Variants in PTPRJ observed in about 807,000 individuals in gnomAD.
PTPRJ encodes the protein protein tyrosine phosphatase receptor type J.
A neutral mutation model predicts 141.3 loss-of-function variants in PTPRJ; 129 were observed. That is an observed-to-expected ratio of 0.91 (90% CI 0.79 to 1.06). The LOEUF (loss-of-function observed/expected upper bound fraction) is 1.06, where lower values mean the gene tolerates loss of function less well. PTPRJ is among the 50% of genes least tolerant of loss of function. PTPRJ has a pLI of 0.00. For synonymous variants in PTPRJ, 610 were observed against 640.5 expected (o/e 0.95, Z 0.72); for missense variants, 1,601 against 1,679.7 (o/e 0.95, Z 0.82).
chr11:48,147,256 G>T (rs1187337981), intron 15 of PTPRJ, among the ~76,000 whole-genome samples: 1 of 152,164 alleles, frequency 6.6e-6, no homozygotes, highest in Admixed American at 6.5e-5. Context: ...GATGTTAAGA[G>T]ATTTCATTTC....
At chr11:48,138,442 G>C (rs1374197501) in intron 10 of PTPRJ, among the ~76,000 whole-genome samples, 1 of 152,182 alleles carries the variant, frequency 6.6e-6, no homozygotes, top group Non-Finnish European at 1.5e-5. Flanking sequence ...CCAGGCCCTG[G>C]GTGGCAAATG....
chr11:48,131,066 ATATATTTTTTTTT>A (rs1245716630), intron 8 of PTPRJ, among the ~76,000 whole-genome samples: 1 of 108,658 alleles, frequency 9.2e-6, no homozygotes, highest in African/African-American at 3.6e-5. Context: ...ATATATATAT[ATATATTTTTTTTT>A]TTTTTTTTTT....
chr11:48,090,077 G>C (rs899590872), intron 1 of PTPRJ, among the ~76,000 whole-genome samples: 1 of 152,162 alleles, frequency 6.6e-6, no homozygotes, highest in Non-Finnish European at 1.5e-5. Context: ...AACAAAGCTG[G>C]TGTTCAGTCC....
intron 10 of PTPRJ, among the ~76,000 whole-genome samples, chr11:48,138,854 G>A (rs1362944287): frequency 1.3e-5 from 2 of 152,144 alleles, no homozygotes; most frequent in East Asian, 1.9e-4. Flanking sequence ...AGAGGGCCTT[G>A]GCTGGGCTGG....
intron 1 of PTPRJ, among the ~76,000 whole-genome samples, chr11:48,009,702 C>G (rs983722213): frequency 9.9e-5 from 15 of 152,230 alleles, no homozygotes; most frequent in Admixed American, 9.2e-4. Context: ...TTAGGCAGAC[C>G]TGGGCCAAGT....
At chr11:48,104,186 T>C (rs530531053) in intron 1 of PTPRJ, among the ~76,000 whole-genome samples, 1 of 152,292 alleles carries the variant, frequency 6.6e-6, no homozygotes, top group South Asian at 2.1e-4. Flanking sequence ...GGATGGGAGA[T>C]AGGCCACCCC....
chr11:48,144,373 G>A (rs1295556978), intron 12 of PTPRJ, among the ~76,000 whole-genome samples: 2 of 152,178 alleles, frequency 1.3e-5, no homozygotes, highest in Admixed American at 6.5e-5. Flanking sequence ...CCTGGATTGG[G>A]AACCCAACTC....
intron 1 of PTPRJ, among the ~76,000 whole-genome samples, chr11:47,995,110 A>G (rs2134183698): frequency 6.6e-6 from 1 of 152,294 alleles, no homozygotes; most frequent in South Asian, 2.1e-4. Context: ...GATTAGTCTT[A>G]TAGTTTGTTT....
intron 1 of PTPRJ, among the ~76,000 whole-genome samples, chr11:48,101,772 G>A (rs1313275252): frequency 6.6e-6 from 1 of 152,222 alleles, no homozygotes; most frequent in Non-Finnish European, 1.5e-5. Context: ...CGGCGCAGGA[G>A]AGAACTGGTA....
At chr11:48,064,196 C>T (rs892074150) in intron 1 of PTPRJ, among the ~76,000 whole-genome samples, 2 of 152,056 alleles carry the variant, frequency 1.3e-5, no homozygotes, top group African/African-American at 2.4e-5. Context: ...CACCCCTCTA[C>T]CCTCATTTTA....
chr11:48,160,781 A>T (rs1219317058), intron 22 of PTPRJ, among the ~76,000 whole-genome samples: 1 of 152,188 alleles, frequency 6.6e-6, no homozygotes, highest in African/African-American at 2.4e-5. Context: ...TTTATAATAG[A>T]GGAAAACTTT....
intron 1 of PTPRJ, among the ~76,000 whole-genome samples, chr11:48,045,525 G>A (rs936901717): frequency 6.6e-6 from 1 of 152,166 alleles, no homozygotes; most frequent in African/African-American, 2.4e-5. Context: ...GTTTGCTCCC[G>A]ACTTTTGCAG....
intron 7 of PTPRJ, 75 bp from the exon 8 acceptor site, chr11:48,130,384 T>C: frequency 7.1e-7 from 1 of 1,411,864 alleles, no homozygotes; most frequent in Non-Finnish European, 9.7e-7. Flanking sequence ...TTCATCTCAG[T>C]ATTTTCTGAG....
intron 1 of PTPRJ, among the ~76,000 whole-genome samples, chr11:48,102,837 C>G (rs1856182514): frequency 6.6e-6 from 1 of 152,134 alleles, no homozygotes; most frequent in Non-Finnish European, 1.5e-5. Flanking sequence ...ATTTATCATA[C>G]AAGGTGGAGG....
intron 1 of PTPRJ, among the ~76,000 whole-genome samples, chr11:48,078,558 T>A (rs768754300): frequency 2.0e-5 from 3 of 151,978 alleles, no homozygotes; most frequent in Non-Finnish European, 4.4e-5. Flanking sequence ...CGGGATGGAT[T>A]TAAAAGGCGG....
intron 21 of PTPRJ, among the ~76,000 whole-genome samples, chr11:48,159,029 C>G (rs1336042762): frequency 2.6e-5 from 4 of 151,668 alleles, no homozygotes; most frequent in Non-Finnish European, 5.9e-5. Context: ...AATCAATTAG[C>G]TTTGAAAACT....
At chr11:48,049,692 C>T (rs1005053537) in intron 1 of PTPRJ, among the ~76,000 whole-genome samples, 4 of 137,648 alleles carry the variant, frequency 2.9e-5, no homozygotes, top group Admixed American at 8.0e-5. Context: ...CCAGCCTGGG[C>T]GACAATAGTG....
At chr11:48,121,563 C>T (rs538149830) in intron 4 of PTPRJ, among the ~76,000 whole-genome samples, 42 of 152,206 alleles carry the variant, frequency 2.8e-4, no homozygotes, top group South Asian at 1.2e-3. Context: ...TCCTTAAAAA[C>T]GCGTGTCTTC....
chr11:47,993,459 G>A (rs960937612), intron 1 of PTPRJ, among the ~76,000 whole-genome samples: 2 of 151,882 alleles, frequency 1.3e-5, no homozygotes, highest in East Asian at 3.9e-4. Flanking sequence ...CACCCAGCTA[G>A]TTTTTGTATT....
Sources: allele counts gnomAD v4.1 joint callset (sites outside exome capture counted in the v4.1 genomes callset), GRCh38; gene constraint gnomAD v4.1.1; transcripts MANE v1.5; gene names NCBI Gene and HGNC (gene_info 2026-07-23, HGNC 2026-07-21).